The following SHROOM3 variants were observed in gnomAD, a reference collection of about 807,000 sequenced individuals.
SHROOM3 encodes the protein protein Shroom3.
SHROOM3 carries 47 observed loss-of-function variants against 138.6 expected under a neutral mutation model. That is an observed-to-expected ratio of 0.34 (90% CI 0.27 to 0.43). The LOEUF is 0.43. SHROOM3 is among the 20% of genes least tolerant of loss of function. SHROOM3 has a pLI of 1.00. For missense variants in SHROOM3, 2,491 were observed against 2,596.5 expected, an observed-to-expected ratio of 0.96 and a Z score of 0.88; for synonymous variants, 1,062 against 1,063.3, an observed-to-expected ratio of 1.00 and a Z score of 0.02.
chr4:76,632,135 T>C (rs1025781454), intron 2 of SHROOM3, among the ~76,000 whole-genome samples: 4 of 152,210 alleles, frequency 2.6e-5, no homozygotes, highest in African/African-American at 9.6e-5. Context: ...AGTTCTATTT[T>C]AGATTTATTA....
At chr4:76,720,348 A>G (rs1055505302) in intron 3 of SHROOM3, among the ~76,000 whole-genome samples, 1 of 151,872 alleles carries the variant, frequency 6.6e-6, no homozygotes, top group African/African-American at 2.4e-5. Context: ...TTTGTTTCAA[A>G]TCTTTTAAAA....
At chr4:76,698,279 G>C (rs1719804530) in intron 2 of SHROOM3, among the ~76,000 whole-genome samples, 1 of 152,196 alleles carries the variant, frequency 6.6e-6, no homozygotes, top group South Asian at 2.1e-4. Flanking sequence ...CTTAAAAAAA[G>C]TGCATGTGAG....
intron 2 of SHROOM3, among the ~76,000 whole-genome samples, chr4:76,590,363 T>G (rs1734240041): frequency 6.6e-6 from 1 of 152,190 alleles, no homozygotes; most frequent in South Asian, 2.1e-4. Context: ...GTGGCTGGCC[T>G]GCATTGCCTC....
Position 76,741,483 on chromosome 4 carries a change from T to G in SHROOM3, c.3310T>G (p.Cys1104Gly). The G allele has an allele frequency of 6.4e-7, 1 of 1,559,464 alleles. No homozygotes were observed. Among genetic ancestry groups the G allele is most frequent in the Non-Finnish European group, 8.6e-7 (1 of 1,156,620 alleles). ...CAAGCGGCCTACCTCCGCCGCCGGC[T>G]GCAGCCTCCAGGAGCCCGGGCCACT... ...TGKRPTSAAG[C>G]SLQEPGPLRE... The change falls in exon 5 of 11, where the codon TGC (cysteine) becomes GGC (glycine). Residue 1104 changes from cysteine to glycine, a missense_variant. Coordinates refer to ENST00000296043, the MANE Select transcript of SHROOM3 (RefSeq NM_020859.4). This position sits in a 1 kb window ranked among gnomAD's most constrained non-coding sequence, Gnocchi z 6.2.
In SHROOM3 at chr4:76,738,875, C is replaced by A; in HGVS notation, c.702C>A (p.Pro234=). 6.2e-7 allele frequency: 1 copy of A among 1,614,254 alleles called. No homozygotes were observed. Among genetic ancestry groups the A allele is most frequent in the Middle Eastern group, 1.6e-4 (1 of 6,062 alleles). The change falls in exon 5 of 11, where the codon CCC becomes CCA. Residue 234 remains proline, a synonymous_variant. Coordinates refer to ENST00000296043, the MANE Select transcript of SHROOM3 (RefSeq NM_020859.4). ...ESLEPSGAYP[P]CHLSPAKSTG... ...TGGAGCCCAGTGGGGCATACCCACCCTGTCATCTTTCCCCTGCCAAGTCCA... is the reference window on the plus strand; with the variant it reads ...TGGAGCCCAGTGGGGCATACCCACCATGTCATCTTTCCCCTGCCAAGTCCA...
At chr4:76,554,844 C>T (rs141032060) in intron 1 of SHROOM3, among the ~76,000 whole-genome samples, 127 of 152,222 alleles carry the variant, frequency 8.3e-4, no homozygotes, top group Middle Eastern at 3.4e-3. Context: ...TTTGTATTTA[C>T]AGCTGCTCCC....
intron 2 of SHROOM3, among the ~76,000 whole-genome samples, chr4:76,655,551 A>G (rs1450276371): frequency 6.6e-6 from 1 of 152,232 alleles, no homozygotes; most frequent in Non-Finnish European, 1.5e-5. Flanking sequence ...TAAGATAAAC[A>G]CAAAGAAATT....
At chr4:76,529,629 G>A (rs1732789122) in intron 1 of SHROOM3, among the ~76,000 whole-genome samples, 1 of 152,084 alleles carries the variant, frequency 6.6e-6, no homozygotes, top group African/African-American at 2.4e-5. Context: ...CCAGCCTGTA[G>A]GATTTTTGAT....
At chr4:76,737,873 A>G (rs1721124489) in intron 4 of SHROOM3, among the ~76,000 whole-genome samples, 1 of 152,066 alleles carries the variant, frequency 6.6e-6, no homozygotes, top group South Asian at 2.1e-4. Context: ...AAAAACACAT[A>G]TATTTTGAGT....
At chr4:76,732,194 G>T (rs1342409977) in intron 4 of SHROOM3, among the ~76,000 whole-genome samples, 1 of 152,202 alleles carries the variant, frequency 6.6e-6, no homozygotes, top group East Asian at 1.9e-4. Flanking sequence ...ATGTAGCGAG[G>T]TCAGGAAAAT....
intron 2 of SHROOM3, among the ~76,000 whole-genome samples, chr4:76,579,997 C>A (rs1315678870): frequency 6.6e-6 from 1 of 152,230 alleles, no homozygotes; most frequent in Non-Finnish European, 1.5e-5. Context: ...TGTCACATTT[C>A]TTTTCATGGC....
At chr4:76,613,925 C>T (rs996541226) in intron 2 of SHROOM3, among the ~76,000 whole-genome samples, 1 of 152,208 alleles carries the variant, frequency 6.6e-6, no homozygotes, top group Non-Finnish European at 1.5e-5. Flanking sequence ...ATTTAATAGC[C>T]TTTGACAGAA....
intron 3 of SHROOM3, among the ~76,000 whole-genome samples, chr4:76,730,209 G>C (rs1720832886): frequency 6.6e-6 from 1 of 152,212 alleles, no homozygotes; most frequent in Non-Finnish European, 1.5e-5. Context: ...TGAAGTCATT[G>C]ACTTGCAAAA....
At chr4:76,693,995 C>G (rs2110109623) in intron 2 of SHROOM3, among the ~76,000 whole-genome samples, 1 of 152,164 alleles carries the variant, frequency 6.6e-6, no homozygotes, top group African/African-American at 2.4e-5. Context: ...AACTCGATCT[C>G]TCTATCAAAA....
chr4:76,778,830 A>G lies in SHROOM3; in HGVS notation c.5644A>G (p.Lys1882Glu). The change falls in exon 11 of 11, where the codon AAG (lysine) becomes GAG (glutamate). Residue 1882 changes from lysine to glutamate, a missense_variant. By Grantham distance (56) the Lys-to-Glu change is moderately conservative. Coordinates refer to ENST00000296043, the MANE Select transcript of SHROOM3 (RefSeq NM_020859.4). ...GCAGAGCTCTCTTTACGAGAAAAGG[A>G]AGATCCTGGCTGGTCAGCATGAGGA... ...EERSSLYEKRKILAGQHEDAR... is the reference protein window; with the variant it reads ...EERSSLYEKREILAGQHEDAR... The G allele has an allele frequency of 1.2e-6, 2 of 1,612,404 alleles. No homozygotes were observed. The highest frequency in any genetic ancestry group is 1.7e-6 in the Non-Finnish European group (2 of 1,180,024).
chr4:76,459,312 G>GT (rs1457589363), intron 1 of SHROOM3, among the ~76,000 whole-genome samples: 2 of 152,140 alleles, frequency 1.3e-5, no homozygotes, highest in East Asian at 3.9e-4. Flanking sequence ...TTAACGCTAG[G>GT]TTTTTCAAAG....
At chr4:76,676,868 G>A (rs1042438270) in intron 2 of SHROOM3, among the ~76,000 whole-genome samples, 4 of 150,970 alleles carry the variant, frequency 2.6e-5, no homozygotes, top group Admixed American at 1.3e-4. Flanking sequence ...GCGTGAACCC[G>A]GGAGGCGGAG....
At chr4:76,650,202 A>C (rs977455568) in intron 2 of SHROOM3, among the ~76,000 whole-genome samples, 5 of 152,194 alleles carry the variant, frequency 3.3e-5, no homozygotes, top group African/African-American at 1.2e-4. Flanking sequence ...TGGGGAGTAC[A>C]TAAACATTTA....
chr4:76,587,675 A>G (rs1158441536), intron 2 of SHROOM3, among the ~76,000 whole-genome samples: 1 of 152,234 alleles, frequency 6.6e-6, no homozygotes, highest in East Asian at 1.9e-4. Context: ...GTGACATTTA[A>G]TATAAACATA....
Sources: allele counts gnomAD v4.1 joint callset (sites outside exome capture counted in the v4.1 genomes callset), GRCh38; gene constraint gnomAD v4.1.1; non-coding constraint Gnocchi (gnomAD v3.1); transcripts MANE v1.5; gene names NCBI Gene and HGNC (gene_info 2026-07-23, HGNC 2026-07-21).